The following TOX2 variants were observed in gnomAD, a reference collection of about 807,000 sequenced individuals.
The protein encoded by TOX2 is granulosa cell HMG box 1.
Under a neutral mutation model 47.4 loss-of-function variants are expected in TOX2, and 15 were observed. The observed-to-expected ratio is 0.32, with a 90% CI of 0.21 to 0.49. The LOEUF (loss-of-function observed/expected upper bound fraction) is 0.49. TOX2 is among the 20% of genes least tolerant of loss of function. TOX2 has a pLI of 0.99. For missense variants in TOX2, 622 were observed against 673.1 expected (o/e 0.92, Z 0.84); for synonymous variants, 290 against 296.6 (o/e 0.98, Z 0.23).
chr20:44,044,160 G>A lies in TOX2; in HGVS notation c.412-7146G>A, dbSNP rs146422680. Among the ~76,000 whole-genome samples, 639 of 152,126 alleles carry A rather than the reference G, an allele frequency of 4.2e-3. 3 individuals are homozygous for A. Among genetic ancestry groups the A allele is most frequent in the African/African-American group, 0.015 (604 of 41,484 alleles). On this transcript the variant is annotated intron_variant, in intron 3 of 8. Coordinates refer to ENST00000341197, the MANE Select transcript of TOX2 (RefSeq NM_001098797.2). ...GATGAAGCTGGAAACCATCATTCTT[G>A]GCAAACTATCGCAAGAACAAAAAAC...
intron 2 of TOX2, among the ~76,000 whole-genome samples, chr20:43,995,940 T>C (rs1010444605): frequency 6.6e-6 from 1 of 152,234 alleles, no homozygotes; most frequent in African/African-American, 2.4e-5. Flanking sequence ...TCAGGTTGAT[T>C]CCATGTTTGT....
chr20:44,027,827 C>T (rs1268220420), intron 3 of TOX2, among the ~76,000 whole-genome samples: 1 of 152,088 alleles, frequency 6.6e-6, no homozygotes. Flanking sequence ...AGCAGGGGCC[C>T]GACCATGGCG....
intron 1 of TOX2, among the ~76,000 whole-genome samples, chr20:43,929,523 G>T (rs1349488890): frequency 6.6e-6 from 1 of 151,984 alleles, no homozygotes; most frequent in Non-Finnish European, 1.5e-5. Context: ...GCGCTTGAGG[G>T]GCTTTGCACA....
In TOX2 at chr20:43,935,842, G is replaced by A. The variant is rs148083351; in HGVS notation, c.99+20852G>A. 8.2e-4 allele frequency among the ~76,000 whole-genome samples: 119 copies of A among 144,402 alleles called. 2 individuals are homozygous for A. In the East Asian group the frequency reaches 0.023, roughly 27 times the overall value. The allele number at this position is 144,402 out of a possible 152,430, so 94.7% of individuals were successfully genotyped here. A position where few individuals can be genotyped will look rare whatever the true frequency, so the allele number is the denominator to read the frequency against. On this transcript the variant is annotated intron_variant, in intron 1 of 8. Transcript: ENST00000341197. ...CTCAGGAGGCTGAGGCAGGAGAATC[G>A]CTTGAACCCAGGAGGAGGAGGTTGC...
At chr20:43,951,243 C>T (rs2069559903) in intron 1 of TOX2, among the ~76,000 whole-genome samples, 1 of 152,172 alleles carries the variant, frequency 6.6e-6, no homozygotes, top group Non-Finnish European at 1.5e-5. Flanking sequence ...AGATAGCCTT[C>T]ACGTCTACCT....
intron 2 of TOX2, among the ~76,000 whole-genome samples, chr20:43,993,573 C>T (rs2070409780): frequency 6.6e-6 from 1 of 152,138 alleles, no homozygotes; most frequent in African/African-American, 2.4e-5. Flanking sequence ...TGACCACAAG[C>T]TCAGTTCTGG....
At chr20:44,007,828 C>T (rs1457223394) in intron 3 of TOX2, among the ~76,000 whole-genome samples, 1 of 152,096 alleles carries the variant, frequency 6.6e-6, no homozygotes. Flanking sequence ...GAAGAAACAT[C>T]ATATTTTTGG....
intron 2 of TOX2, among the ~76,000 whole-genome samples, chr20:44,005,515 G>A (rs1170375517): frequency 6.6e-6 from 1 of 152,168 alleles, no homozygotes; most frequent in African/African-American, 2.4e-5. Context: ...TTGTGAACCT[G>A]ATACAAAAGT....
chr20:44,001,283 C>A (rs1218116628), intron 2 of TOX2, among the ~76,000 whole-genome samples: 1 of 152,188 alleles, frequency 6.6e-6, no homozygotes, highest in African/African-American at 2.4e-5. Context: ...ACTCTCTAAG[C>A]TCCATGTCCC....
intron 3 of TOX2, chr20:44,007,370 G>A (rs1175848224): frequency 1.3e-5 from 2 of 153,220 alleles, no homozygotes; most frequent in African/African-American, 4.8e-5. Context: ...CACTAGCTTT[G>A]GCATCAGTAT....
intron 3 of TOX2, among the ~76,000 whole-genome samples, chr20:44,014,498 T>A (rs990069834): frequency 6.6e-6 from 1 of 152,126 alleles, no homozygotes; most frequent in African/African-American, 2.4e-5. Context: ...TACAGTATCA[T>A]CTAGTAGTCA....
intron 1 of TOX2, among the ~76,000 whole-genome samples, chr20:43,938,932 T>C (rs1188867865): frequency 6.6e-6 from 1 of 152,170 alleles, no homozygotes; most frequent in Non-Finnish European, 1.5e-5. Flanking sequence ...GGCCTCCTTG[T>C]GCAGCTCTGG....
intron 3 of TOX2, among the ~76,000 whole-genome samples, chr20:44,034,995 G>A (rs1359797487): frequency 6.6e-6 from 1 of 152,132 alleles, no homozygotes; most frequent in Non-Finnish European, 1.5e-5. Flanking sequence ...CATCCCAAGA[G>A]TCTTGCTTGA....
At position 44,054,378 on chromosome 20, in the gene TOX2, A is replaced by G. The variant is rs752003699; in HGVS notation, c.731A>G (p.Asn244Ser). 1.1e-5 allele frequency: 17 copies of G among 1,612,168 alleles called. No homozygotes were observed. Among genetic ancestry groups the G allele is most frequent in the African/African-American group, 6.7e-5 (5 of 74,584 alleles). ...AAGAAGAAGAAAAAGAAGGACCCCAATGAGCCGCAGAAGCCTGTGTCGGCC... is the reference window on the plus strand; with the variant it reads ...AAGAAGAAGAAAAAGAAGGACCCCAGTGAGCCGCAGAAGCCTGTGTCGGCC... Reference protein sequence around the residue: ...NPKKKKKKDPNEPQKPVSAYA... With the variant: ...NPKKKKKKDPSEPQKPVSAYA... The change falls in exon 5 of 9, where the codon AAT (asparagine) becomes AGT (serine). Residue 244 changes from asparagine (N) to serine (S), a missense_variant. Transcript: ENST00000341197.
chr20:43,993,814 A>T (rs999398844), intron 2 of TOX2, among the ~76,000 whole-genome samples: 3 of 152,204 alleles, frequency 2.0e-5, no homozygotes, highest in Non-Finnish European at 4.4e-5. Context: ...AGGACATCCA[A>T]GGGAAGTAAA....
intron 3 of TOX2, among the ~76,000 whole-genome samples, chr20:44,037,723 A>G (rs6031310): frequency 0.79 from 120,027 of 151,946 alleles, 47,663 homozygotes; most frequent in African/African-American, 0.86. Flanking sequence ...TATAAAACAA[A>G]GACGTTGGGA....
chr20:43,951,310 C>T lies in TOX2; in HGVS notation c.100-22057C>T, dbSNP rs183725616. On this transcript the variant is annotated intron_variant, in intron 1 of 8. Coordinates refer to ENST00000341197, the MANE Select transcript of TOX2 (RefSeq NM_001098797.2). Reference sequence around the variant, plus strand: ...GAGTAGATAGGCCGGTGTGGTGGCTCACGCTTGTAATCCCAGCACTTTGGG... The same window carrying T: ...GAGTAGATAGGCCGGTGTGGTGGCTTACGCTTGTAATCCCAGCACTTTGGG... Among the ~76,000 whole-genome samples, 663 of 152,248 alleles carry T rather than the reference C, an allele frequency of 4.4e-3. 2 individuals are homozygous for T. Among genetic ancestry groups the T allele is most frequent in the Non-Finnish European group, 6.3e-3 (429 of 68,010 alleles).
At chr20:43,943,723 A>G (rs1264567666) in intron 1 of TOX2, among the ~76,000 whole-genome samples, 1 of 152,232 alleles carries the variant, frequency 6.6e-6, no homozygotes, top group Non-Finnish European at 1.5e-5. Context: ...TTTCTCTCTG[A>G]CAATCAATTA....
At chr20:43,977,134 TCACTGTCACC>T (rs534462442) in intron 2 of TOX2, among the ~76,000 whole-genome samples, 219 of 152,290 alleles carry the variant, frequency 1.4e-3, no homozygotes, top group Non-Finnish European at 1.9e-3. Context: ...AGATGGAGTC[TCACTGTCACC>T]CAGGCTGGAG....
Sources: gnomAD v4.1 joint callset for allele counts (sites outside exome capture counted in the v4.1 genomes callset) on GRCh38, gnomAD v4.1.1 for gene constraint, MANE v1.5 for transcripts, NCBI Gene and HGNC (gene_info 2026-07-23, HGNC 2026-07-21) for gene names.